The following NEMP2 variants were observed in gnomAD, a reference collection of about 807,000 sequenced individuals.
The protein encoded by NEMP2 is nuclear envelope integral membrane protein 2.
A neutral mutation model predicts 54.2 loss-of-function variants in NEMP2; 53 were observed. The observed-to-expected ratio is 0.98, with a 90% CI of 0.78 to 1.23. The LOEUF is 1.23. Among genes scored for constraint, NEMP2 ranks in the 50% most tolerant of loss-of-function variants. The pLI, the probability that NEMP2 is intolerant of heterozygous loss-of-function variation, is 0.00. For synonymous variants in NEMP2, 197 were observed against 190.3 expected (o/e 1.04, Z -0.29); for missense variants, 455 against 511.3 (o/e 0.89, Z 1.06).
At chr2:190,484,450 C>G in the NEMP2 span, among the ~76,000 whole-genome samples, 2 of 152,136 alleles carry the variant, frequency 1.3e-5, no homozygotes, top group African/African-American at 4.8e-5. Flanking sequence ...CTTTTGTCCC[C>G]TCTACTTTAC....
chr2:190,465,040 T>C, the NEMP2 span: 6 of 441,412 alleles, frequency 1.4e-5, no homozygotes, highest in South Asian at 3.7e-4. The surrounding 1 kb of genome is among the most constrained non-coding windows in gnomAD (Gnocchi z 4.6). Flanking sequence ...TTGAACACTC[T>C]TGAAAAAAAT....
chr2:190,492,438 CA>C, the NEMP2 span, among the ~76,000 whole-genome samples: 1 of 152,190 alleles, frequency 6.6e-6, no homozygotes, highest in South Asian at 2.1e-4. This position sits in a 1 kb window ranked among gnomAD's most constrained non-coding sequence, Gnocchi z 5.2. Flanking sequence ...CTCAGATTAA[CA>C]GCAGATTTCT....
At chr2:190,495,736 AG>A in the NEMP2 span, among the ~76,000 whole-genome samples, 50 of 152,230 alleles carry the variant, frequency 3.3e-4, 1 homozygote, top group East Asian at 9.4e-3. This position sits in a 1 kb window ranked among gnomAD's most constrained non-coding sequence, Gnocchi z 4.7. Context: ...AGAAACATAA[AG>A]GGGGAAAGGA....
At chr2:190,605,980 A>T in the NEMP2 span, among the ~76,000 whole-genome samples, 1 of 152,158 alleles carries the variant, frequency 6.6e-6, no homozygotes, top group Non-Finnish European at 1.5e-5. Context: ...GACATCTCAC[A>T]CTGTTTCTGG....
chr2:190,440,486 G>A, the NEMP2 span, among the ~76,000 whole-genome samples: 2 of 152,132 alleles, frequency 1.3e-5, no homozygotes, highest in African/African-American at 2.4e-5. Flanking sequence ...ATATTTTTAG[G>A]CTATAAATGA....
chr2:190,543,142 A>G, the NEMP2 span, among the ~76,000 whole-genome samples: 1 of 152,150 alleles, frequency 6.6e-6, no homozygotes, highest in Admixed American at 6.5e-5. This position sits in a 1 kb window ranked among gnomAD's most constrained non-coding sequence, Gnocchi z 4.7. Context: ...TTTGCCTGGC[A>G]CTAATAAATA....
the NEMP2 span, among the ~76,000 whole-genome samples, chr2:190,483,017 G>A: frequency 1.3e-5 from 2 of 150,106 alleles, no homozygotes; most frequent in African/African-American, 2.4e-5. Flanking sequence ...TCAGCCTCCC[G>A]AGTAGCTGGG....
the NEMP2 span, among the ~76,000 whole-genome samples, chr2:190,481,874 C>T: frequency 1.1e-4 from 16 of 152,312 alleles, no homozygotes; most frequent in African/African-American, 1.7e-4. Flanking sequence ...TAGGATCCTC[C>T]GCCATTTGTG....
downstream of NEMP2, chr2:190,500,189 C>A: frequency 6.2e-7 from 1 of 1,614,198 alleles, no homozygotes; most frequent in Non-Finnish European, 8.5e-7. The surrounding 1 kb of genome is among the most constrained non-coding windows in gnomAD (Gnocchi z 5.3). Context: ...TGAAGAGCAG[C>A]AGGCTCAGCT....
At chr2:190,646,349 T>C in the NEMP2 span, among the ~76,000 whole-genome samples, 1 of 152,192 alleles carries the variant, frequency 6.6e-6, no homozygotes, top group South Asian at 2.1e-4. Context: ...GGGAGAAGAC[T>C]GTGTGTGTGC....
At chr2:190,438,215 T>TAAA in the NEMP2 span, among the ~76,000 whole-genome samples, 12 of 148,912 alleles carry the variant, frequency 8.1e-5, no homozygotes, top group African/African-American at 2.2e-4. This position sits in a 1 kb window ranked among gnomAD's most constrained non-coding sequence, Gnocchi z 5.2. Context: ...CTTTTAGTTA[T>TAAA]AAAAAAAAAA....
At chr2:190,432,694 G>T in the NEMP2 span, among the ~76,000 whole-genome samples, 1 of 152,082 alleles carries the variant, frequency 6.6e-6, no homozygotes, top group Non-Finnish European at 1.5e-5. Context: ...TTGAATTACA[G>T]GCGTGAGCCA....
the NEMP2 span, chr2:190,437,001 T>C: frequency 1.2e-6 from 2 of 1,614,228 alleles, no homozygotes; most frequent in Non-Finnish European, 1.7e-6. The surrounding 1 kb of genome is among the most constrained non-coding windows in gnomAD (Gnocchi z 5.9). Flanking sequence ...GAGATCGCTA[T>C]GGGTTGCAGC....
chr2:190,459,787 C>T, the NEMP2 span, among the ~76,000 whole-genome samples: 1 of 152,202 alleles, frequency 6.6e-6, no homozygotes, highest in Non-Finnish European at 1.5e-5. The surrounding 1 kb of genome is among the most constrained non-coding windows in gnomAD (Gnocchi z 5.3). Flanking sequence ...AAAATGATTT[C>T]CAGCTAGTAG....
the NEMP2 span, chr2:190,648,516 GTTTTTT>G: frequency 0.25 from 30,896 of 123,798 alleles, 3,491 homozygotes; most frequent in Middle Eastern, 0.29. Context: ...GCGCGCTGTT[GTTTTTT>G]TTTTTTTTTT....
At chr2:190,502,056 T>G (rs1191691327), downstream of NEMP2, 1 of 152,646 alleles carries the variant, frequency 6.6e-6, no homozygotes, top group African/African-American at 2.4e-5. This position sits in a 1 kb window ranked among gnomAD's most constrained non-coding sequence, Gnocchi z 4.4. Context: ...CATGTTGAAA[T>G]AAAAATGAAT....
At chr2:190,478,980 C>T in the NEMP2 span, among the ~76,000 whole-genome samples, 2 of 152,320 alleles carry the variant, frequency 1.3e-5, no homozygotes, top group African/African-American at 4.8e-5. Context: ...CTATAGCCCC[C>T]GCTACCCAGC....
chr2:190,550,422 C>G, the NEMP2 span, among the ~76,000 whole-genome samples: 1 of 152,120 alleles, frequency 6.6e-6, no homozygotes, highest in Admixed American at 6.5e-5. The surrounding 1 kb of genome is among the most constrained non-coding windows in gnomAD (Gnocchi z 4.7). Flanking sequence ...AAGGCCCTAC[C>G]TCCTAATACT....
chr2:190,482,904 A>T, the NEMP2 span, among the ~76,000 whole-genome samples: 2 of 8,582 alleles, frequency 2.3e-4, no homozygotes, highest in Non-Finnish European at 2.8e-4. Context: ...TTTTTTTTTT[A>T]GACGGAGTCT....
Sources: gnomAD v4.1 joint callset for allele counts (sites outside exome capture counted in the v4.1 genomes callset) on GRCh38, gnomAD v4.1.1 for gene constraint, Gnocchi (gnomAD v3.1) non-coding constraint, MANE v1.5 for transcripts, NCBI Gene and HGNC (gene_info 2026-07-23, HGNC 2026-07-21) for gene names.